Variants in NTNG2 observed in about 807,000 individuals in gnomAD.
The protein encoded by NTNG2 is netrin G2.
A neutral mutation model predicts 47.6 loss-of-function variants in NTNG2; 15 were observed. That is an observed-to-expected ratio of 0.32 (90% CI 0.21 to 0.49). The LOEUF (loss-of-function observed/expected upper bound fraction) is 0.49, where lower values mean the gene tolerates loss of function less well. Among genes scored for constraint, NTNG2 ranks in the 20% least tolerant of loss-of-function variants. NTNG2 has a pLI of 0.99. For missense variants in NTNG2, 578 were observed against 764.6 expected (o/e 0.76, Z 2.88); for synonymous variants, 307 against 324.6 (o/e 0.95, Z 0.58).
intron 5 of NTNG2, among the ~76,000 whole-genome samples, chr9:132,234,279 C>A (rs1165297965): frequency 6.6e-6 from 1 of 152,346 alleles, no homozygotes; most frequent in African/African-American, 2.4e-5. Flanking sequence ...CCACCCGCCT[C>A]AGCCTCCCAA....
chr9:132,230,230 AGAG>A (rs1204593452), intron 4 of NTNG2, among the ~76,000 whole-genome samples: 1 of 152,072 alleles, frequency 6.6e-6, no homozygotes, highest in Non-Finnish European at 1.5e-5. Flanking sequence ...ATCTGAAATA[AGAG>A]GAGGAGTGCG....
chr9:132,206,905 TCCACTG>T (rs926741389), intron 3 of NTNG2, among the ~76,000 whole-genome samples: 1 of 152,074 alleles, frequency 6.6e-6, no homozygotes, highest in African/African-American at 2.4e-5. Context: ...GGTGGTGGGG[TCCACTG>T]CCAAGGCAGG....
chr9:132,188,636 T>G (rs1189119923), intron 2 of NTNG2, among the ~76,000 whole-genome samples: 1 of 152,208 alleles, frequency 6.6e-6, no homozygotes, highest in East Asian at 1.9e-4. Context: ...ACATGCTCCC[T>G]AACGGCGGGG....
chr9:132,191,158 A>T (rs1837858683), intron 2 of NTNG2, among the ~76,000 whole-genome samples: 1 of 152,136 alleles, frequency 6.6e-6, no homozygotes, highest in East Asian at 1.9e-4. Context: ...CAGCCCGGGC[A>T]CAGGGCTGGC....
At chr9:132,183,220 C>T (rs779151358) in intron 2 of NTNG2, among the ~76,000 whole-genome samples, 4 of 152,160 alleles carry the variant, frequency 2.6e-5, no homozygotes, top group African/African-American at 7.2e-5. Flanking sequence ...TAAGCCCTCA[C>T]ACTTTGTTCC....
chr9:132,187,166 G>T (rs917903507), intron 2 of NTNG2, among the ~76,000 whole-genome samples: 7 of 152,276 alleles, frequency 4.6e-5, no homozygotes, highest in African/African-American at 1.7e-4. Flanking sequence ...CCCCCTGGGG[G>T]AGGAGCAGGG....
At chr9:132,176,035 A>G (rs1836418328) in intron 2 of NTNG2, among the ~76,000 whole-genome samples, 1 of 152,196 alleles carries the variant, frequency 6.6e-6, no homozygotes, top group Non-Finnish European at 1.5e-5. Flanking sequence ...TGAAGTTCAC[A>G]TAACATAAAA....
chr9:132,230,939 T>G (rs989399786), intron 5 of NTNG2, among the ~76,000 whole-genome samples: 4 of 152,006 alleles, frequency 2.6e-5, no homozygotes, highest in Non-Finnish European at 5.9e-5. Flanking sequence ...GTGGGCTCCC[T>G]GCTCCTCCTG....
At chr9:132,170,991 G>A (rs1337380282) in intron 2 of NTNG2, among the ~76,000 whole-genome samples, 2 of 152,194 alleles carry the variant, frequency 1.3e-5, no homozygotes, top group African/African-American at 2.4e-5. Flanking sequence ...GTTAAGAGGA[G>A]AGGCATTGCT....
intron 2 of NTNG2, among the ~76,000 whole-genome samples, chr9:132,177,752 G>T (rs1195019526): frequency 6.6e-6 from 1 of 152,138 alleles, no homozygotes; most frequent in South Asian, 2.1e-4. Flanking sequence ...CCCCCTCCCG[G>T]GTTCAAGCGA....
At chr9:132,210,574 G>C (rs1839518509) in intron 3 of NTNG2, among the ~76,000 whole-genome samples, 1 of 152,170 alleles carries the variant, frequency 6.6e-6, no homozygotes, top group Admixed American at 6.5e-5. Context: ...GCCCCACCCA[G>C]TTCTGCCTGG....
At position 132,231,349 on chromosome 9, in the gene NTNG2, G is replaced by A. The variant is rs1007423903; in HGVS notation, c.1054+754G>A. On this transcript the variant is annotated intron_variant, in intron 5 of 7. Coordinates refer to ENST00000393229, the MANE Select transcript of NTNG2 (RefSeq NM_032536.4). This position sits in a 1 kb window ranked among gnomAD's most constrained non-coding sequence, Gnocchi z 4.1. ...CCATCTGCTCTGCGAGGCAGCAGGA[G>A]AGGACTGGCCAATGTCAAAGAGCCA... is the stretch of plus-strand genomic sequence containing the variant. 8.8e-6 allele frequency: 4 copies of A among 456,214 alleles called. No homozygotes were observed. The highest frequency in any genetic ancestry group is 8.0e-5 in the African/African-American group (4 of 50,066). The allele number at this position is 456,214 out of a possible 1,614,324, so 28.3% of individuals were successfully genotyped here.
chr9:132,193,875 C>G (rs1391823875), intron 2 of NTNG2, among the ~76,000 whole-genome samples: 1 of 152,152 alleles, frequency 6.6e-6, no homozygotes, highest in Admixed American at 6.5e-5. Context: ...GGAGAGGCCT[C>G]TCTCCCTGGC....
Position 132,231,450 on chromosome 9 carries a change from C to A in NTNG2, c.1054+855C>A, listed in dbSNP as rs778667286. 9 of 404,196 alleles carry A rather than the reference C, an allele frequency of 2.2e-5. No individual in the cohort carries two copies. Among genetic ancestry groups the A allele is most frequent in the South Asian group, 1.6e-4 (9 of 57,118 alleles). 25.0% of individuals were successfully genotyped at this position (404,196 alleles called of 1,614,324 possible). On this transcript the variant is annotated intron_variant, in intron 5 of 7. Transcript: ENST00000393229. This position sits in a 1 kb window ranked among gnomAD's most constrained non-coding sequence, Gnocchi z 4.1. ...CCTCCACCAGGGCTCTGTGGGGCCC[C>A]ACATCCCACCCAAGTTGTCCCTCCC... is the stretch of plus-strand genomic sequence containing the variant.
At chr9:132,178,613 A>G (rs1350506448) in intron 2 of NTNG2, among the ~76,000 whole-genome samples, 1 of 151,840 alleles carries the variant, frequency 6.6e-6, no homozygotes, top group East Asian at 1.9e-4. Context: ...ATCCACCACT[A>G]GGAAGTCCTG....
At chr9:132,183,519 C>T (rs1398877696) in intron 2 of NTNG2, among the ~76,000 whole-genome samples, 1 of 152,224 alleles carries the variant, frequency 6.6e-6, no homozygotes, top group Non-Finnish European at 1.5e-5. Flanking sequence ...AATCCCACCT[C>T]CCCCAGGAAG....
chr9:132,210,682 CA>C (rs1215191001), intron 3 of NTNG2, among the ~76,000 whole-genome samples: 4 of 152,152 alleles, frequency 2.6e-5, no homozygotes, highest in Admixed American at 6.5e-5. Context: ...TGCGATTGGG[CA>C]GGACAGATGG....
intron 2 of NTNG2, among the ~76,000 whole-genome samples, chr9:132,192,389 G>A (rs553517588): frequency 1.4e-4 from 22 of 152,280 alleles, no homozygotes; most frequent in Admixed American, 3.3e-4. Context: ...TCAGGAGTTC[G>A]AGACCAGCCT....
chr9:132,239,335 G>A (rs1018356012), intron 6 of NTNG2, 64 bp downstream of exon 6: 63 of 1,571,598 alleles, frequency 4.0e-5, no homozygotes, highest in African/African-American at 6.8e-5. Flanking sequence ...ACTGCCCTGC[G>A]AGGTGGCCTC....
Sources: gnomAD v4.1 joint callset for allele counts (sites outside exome capture counted in the v4.1 genomes callset) on GRCh38, gnomAD v4.1.1 for gene constraint, Gnocchi (gnomAD v3.1) non-coding constraint, MANE v1.5 for transcripts, NCBI Gene and HGNC (gene_info 2026-07-23, HGNC 2026-07-21) for gene names.